Variants in CHL1 observed in about 807,000 individuals in gnomAD.
CHL1 encodes neural cell adhesion molecule L1-like protein.
A neutral mutation model predicts 141.9 loss-of-function variants in CHL1; 96 were observed. The observed-to-expected ratio is 0.68, with a 90% CI of 0.57 to 0.80. CHL1 has a LOEUF of 0.80. CHL1 is among the 30% of genes least tolerant of loss of function. CHL1 has a pLI of 0.00. For synonymous variants in CHL1, 613 were observed against 502.2 expected (o/e 1.22, Z -2.95); for missense variants, 1,820 against 1,457.2 (o/e 1.25, Z -4.05).
At chr3:236,813 T>A (rs1692031331) in intron 1 of CHL1, among the ~76,000 whole-genome samples, 1 of 151,662 alleles carries the variant, frequency 6.6e-6, no homozygotes, top group Non-Finnish European at 1.5e-5. Flanking sequence ...TCTTAAATAA[T>A]GTAGTGCCTT....
At chr3:330,540 T>G (rs1028339002) in intron 5 of CHL1, among the ~76,000 whole-genome samples, 6 of 152,054 alleles carry the variant, frequency 3.9e-5, no homozygotes, top group Admixed American at 6.5e-5. Context: ...ATCTTTGTAG[T>G]GAAAGTATCC....
intron 2 of CHL1, among the ~76,000 whole-genome samples, chr3:304,342 T>G (rs1432883724): frequency 6.6e-6 from 1 of 152,330 alleles, no homozygotes; most frequent in East Asian, 1.9e-4. Flanking sequence ...GTACCTCTGG[T>G]AGAATACGGC....
chr3:312,663 A>G (rs1699846865), intron 2 of CHL1, among the ~76,000 whole-genome samples: 1 of 152,194 alleles, frequency 6.6e-6, no homozygotes, highest in East Asian at 1.9e-4. Context: ...AGTTTCATAA[A>G]GGGACACTTG....
intron 1 of CHL1, among the ~76,000 whole-genome samples, chr3:204,858 T>G (rs1024359967): frequency 6.6e-6 from 1 of 152,120 alleles, no homozygotes; most frequent in African/African-American, 2.4e-5. Context: ...TTTAGAAAAT[T>G]TTTCCATGTC....
chr3:362,755 C>T (rs80163053), intron 13 of CHL1, among the ~76,000 whole-genome samples: 4,186 of 152,210 alleles, frequency 0.028, 198 homozygotes, highest in African/African-American at 0.095. Context: ...TAAATGTAAT[C>T]CATGTCCACA....
chr3:211,259 A>G (rs891698304), intron 1 of CHL1, among the ~76,000 whole-genome samples: 3 of 152,228 alleles, frequency 2.0e-5, no homozygotes, highest in Non-Finnish European at 4.4e-5. Flanking sequence ...TGAAATAATG[A>G]TGATACATCG....
chr3:349,140 GACCA>G (rs1332703695), intron 9 of CHL1, among the ~76,000 whole-genome samples: 1 of 152,206 alleles, frequency 6.6e-6, no homozygotes, highest in Non-Finnish European at 1.5e-5. Flanking sequence ...CAAGGAGACA[GACCA>G]CTGGAGGAAC....
rs143153555 is a variant in CHL1, at chr3:240,970, A to G, written c.-174-3643A>G. On this transcript the variant is annotated intron_variant, in intron 1 of 27. Transcript: ENST00000256509. ...CATTGGTCTATGTGCCTAGTTTTATACAAGTACCATGCTGTTTTGGTGATT... is the reference window on the plus strand; with the variant it reads ...CATTGGTCTATGTGCCTAGTTTTATGCAAGTACCATGCTGTTTTGGTGATT... Among the ~76,000 whole-genome samples the G allele has an allele frequency of 1.7e-3, 264 of 152,296 alleles. 1 individual carries two copies. The highest frequency in any genetic ancestry group is 5.9e-3 in the African/African-American group (244 of 41,556).
chr3:330,345 G>C (rs975074114), intron 5 of CHL1, among the ~76,000 whole-genome samples: 5 of 152,018 alleles, frequency 3.3e-5, no homozygotes, highest in Non-Finnish European at 1.5e-5. Context: ...ATTATTTAGA[G>C]GGATCTTTAT....
At chr3:319,271 C>A (rs1389534981) in intron 2 of CHL1, among the ~76,000 whole-genome samples, 1 of 151,094 alleles carries the variant, frequency 6.6e-6, no homozygotes, top group East Asian at 1.9e-4. Context: ...CTATCGGGTG[C>A]TATGCTCATT....
At chr3:305,086 A>G (rs1179848445) in intron 2 of CHL1, among the ~76,000 whole-genome samples, 1 of 152,170 alleles carries the variant, frequency 6.6e-6, no homozygotes, top group Non-Finnish European at 1.5e-5. Flanking sequence ...GGAAAACATC[A>G]TATCTCTAGA....
intron 2 of CHL1, among the ~76,000 whole-genome samples, chr3:292,091 T>C (rs1235697487): frequency 1.3e-5 from 2 of 152,258 alleles, no homozygotes; most frequent in African/African-American, 4.8e-5. Flanking sequence ...TCTTGTTCTT[T>C]GCTGCTCTGT....
chr3:361,949 C>T, intron 13 of CHL1, 139 bp downstream of exon 13: 1 of 596,552 alleles, frequency 1.7e-6, no homozygotes, highest in Non-Finnish European at 3.0e-6. Context: ...AGGTAACAAA[C>T]TTACCGGTCC....
rs1227280590 is a variant in CHL1 at position 314,327 on chromosome 3, GTGTATATATATATATA to G, written c.-94-5354_-94-5339del. On this transcript the variant is annotated intron_variant, in intron 2 of 27. Coordinates refer to ENST00000256509, the MANE Select transcript of CHL1 (RefSeq NM_006614.4). ...TCTCTCTTTCTCTCTCTCTCTCTAT[GTGTATATATATATATA>G]TATATATATATATATATATATATAT... is the stretch of plus-strand genomic sequence containing the variant. 3.9e-4 allele frequency among the ~76,000 whole-genome samples: 22 copies of G among 57,024 alleles called. 1 individual carries two copies. Among genetic ancestry groups the G allele is most frequent in the South Asian group, 2.1e-3 (2 of 972 alleles). 37.4% of individuals were successfully genotyped at this position (57,024 alleles called of 152,430 possible).
chr3:325,708 A>C (rs1700951627), intron 3 of CHL1, among the ~76,000 whole-genome samples: 1 of 152,060 alleles, frequency 6.6e-6, no homozygotes, highest in Admixed American at 6.6e-5. Context: ...TTCTTCTGCT[A>C]TAAAAATCAT....
rs960555795 is a variant in CHL1 at position 378,902 on chromosome 3, A to G, written c.1876+960A>G. ...AGACGTTTTATTAAAACATTTTGGA[A>G]CTATCGTAAATTTGTGTGAGTTATT... On this transcript the variant is annotated intron_variant, in intron 16 of 27. Coordinates refer to ENST00000256509, the MANE Select transcript of CHL1 (RefSeq NM_006614.4). Among the ~76,000 whole-genome samples the G allele has an allele frequency of 6.6e-5, 10 of 152,102 alleles. No homozygotes were observed. In the South Asian group the frequency reaches 2.1e-3, roughly 32 times the overall value.
intron 15 of CHL1, 71 bp downstream of exon 15, chr3:366,186 C>A: frequency 6.8e-7 from 1 of 1,461,548 alleles, no homozygotes; most frequent in South Asian, 1.2e-5. Context: ...TTAAAAAGTT[C>A]TAGGTCGGGC....
chr3:337,285 G>T (rs1436445234), intron 5 of CHL1, among the ~76,000 whole-genome samples: 1 of 149,840 alleles, frequency 6.7e-6, no homozygotes, highest in African/African-American at 2.5e-5. Context: ...CCGCCTCCCG[G>T]GTTCCCGCCA....
chr3:369,467 T>A (rs1705342380), intron 15 of CHL1, among the ~76,000 whole-genome samples: 2 of 152,252 alleles, frequency 1.3e-5, no homozygotes. Context: ...GAGACATTGC[T>A]AAAATTGCTT....
Sources: gnomAD v4.1 joint callset for allele counts (sites outside exome capture counted in the v4.1 genomes callset) on GRCh38, gnomAD v4.1.1 for gene constraint, MANE v1.5 for transcripts, NCBI Gene and HGNC (gene_info 2026-07-23, HGNC 2026-07-21) for gene names.